DCC: variants seen among roughly 807,000 people sequenced by gnomAD.
DCC encodes netrin receptor DCC.
In DCC, 58 loss-of-function variants were observed where a neutral mutation model predicts 172.5. The observed-to-expected ratio is 0.34, with a 90% CI of 0.27 to 0.42. DCC has a LOEUF of 0.42. Among genes scored for constraint, DCC ranks in the 10% least tolerant of loss-of-function variants. The probability of loss-of-function intolerance (pLI) is 1.00; values close to 1 mark genes in which losing one functional copy is unlikely to be tolerated. For synonymous variants in DCC, 709 were observed against 644.5 expected, an observed-to-expected ratio of 1.10 and a Z score of -1.52; for missense variants, 1,740 against 1,791.0, an observed-to-expected ratio of 0.97 and a Z score of 0.51.
chr18:53,069,445 T>C (rs975137854), intron 7 of DCC, among the ~76,000 whole-genome samples: 1 of 152,142 alleles, frequency 6.6e-6, no homozygotes, highest in African/African-American at 2.4e-5. Context: ...CAAGAGGTCC[T>C]GTCTGCTGAG....
intron 7 of DCC, among the ~76,000 whole-genome samples, chr18:53,135,301 AG>A (rs2043723459): frequency 6.6e-6 from 1 of 152,170 alleles, no homozygotes; most frequent in Admixed American, 6.6e-5. Flanking sequence ...CAAGAGATGG[AG>A]GTGGGATCAG....
At position 53,239,007 on chromosome 18, in the gene DCC, A is replaced by G. The variant is rs1041762958; in HGVS notation, c.1911+23410A>G. On this transcript the variant is annotated intron_variant, in intron 12 of 28. Coordinates refer to ENST00000442544, the MANE Select transcript of DCC (RefSeq NM_005215.4). ...GGAATTGAGCAATGAGAACACCTGG[A>G]CACAGGAAGGGGGACATCACACACC... Among the ~76,000 whole-genome samples the G allele has an allele frequency of 1.4e-4, 19 of 137,156 alleles. No homozygotes were observed. The Admixed American group carries it at 1.4e-3, about 10-fold the overall frequency. 90.0% of individuals were successfully genotyped at this position (137,156 alleles called of 152,430 possible). A position where few individuals can be genotyped will look rare whatever the true frequency, so the allele number is the denominator to read the frequency against.
chr18:53,465,191 T>C (rs2045606164), intron 24 of DCC, among the ~76,000 whole-genome samples: 1 of 152,032 alleles, frequency 6.6e-6, no homozygotes, highest in Admixed American at 6.6e-5. Context: ...TTTTTCCTGT[T>C]TGATTGTCTG....
At chr18:53,056,816 G>T (rs895889067) in intron 5 of DCC, among the ~76,000 whole-genome samples, 2 of 151,900 alleles carry the variant, frequency 1.3e-5, no homozygotes, top group African/African-American at 4.8e-5. Context: ...CATCAATCTG[G>T]TTTTTTACTC....
chr18:53,500,248 G>A (rs1342128547), intron 27 of DCC, among the ~76,000 whole-genome samples: 1 of 152,024 alleles, frequency 6.6e-6, no homozygotes, highest in Non-Finnish European at 1.5e-5. Flanking sequence ...AGAAGGAGGA[G>A]AGGAGGAAAA....
At chr18:53,524,204 T>C (rs1301432376) in intron 27 of DCC, among the ~76,000 whole-genome samples, 1 of 152,020 alleles carries the variant, frequency 6.6e-6, no homozygotes, top group Non-Finnish European at 1.5e-5. Flanking sequence ...AGCCATTCTA[T>C]AATGTATATA....
intron 24 of DCC, among the ~76,000 whole-genome samples, chr18:53,462,402 A>G (rs893909428): frequency 4.6e-5 from 7 of 151,932 alleles, no homozygotes; most frequent in African/African-American, 1.7e-4. Flanking sequence ...TGAAGTGCAC[A>G]TGTGAGGGAT....
chr18:53,026,437 A>T (rs1284106005), intron 5 of DCC, among the ~76,000 whole-genome samples: 1 of 152,146 alleles, frequency 6.6e-6, no homozygotes, highest in Non-Finnish European at 1.5e-5. Context: ...TTGATTCAAC[A>T]TTCTAATGGC....
intron 7 of DCC, among the ~76,000 whole-genome samples, chr18:53,117,109 C>A (rs1162564983): frequency 6.6e-6 from 1 of 151,654 alleles, no homozygotes; most frequent in African/African-American, 2.4e-5. Context: ...CTTTGGAATA[C>A]TAAGCATTTA....
chr18:53,005,918 G>A (rs751854667), intron 5 of DCC, among the ~76,000 whole-genome samples: 6 of 152,108 alleles, frequency 3.9e-5, no homozygotes, highest in Non-Finnish European at 8.8e-5. Flanking sequence ...TACAATGTTG[G>A]AACATGGGTT....
intron 1 of DCC, among the ~76,000 whole-genome samples, chr18:52,379,884 G>T (rs1356413435): frequency 6.6e-6 from 1 of 152,140 alleles, no homozygotes; most frequent in African/African-American, 2.4e-5. Flanking sequence ...TAATCTGTTT[G>T]TGCTGCTATA....
chr18:52,457,516 T>C (rs765318315), intron 1 of DCC, among the ~76,000 whole-genome samples: 8 of 152,186 alleles, frequency 5.3e-5, no homozygotes, highest in Non-Finnish European at 7.4e-5. Flanking sequence ...AATTATATTT[T>C]ATTTTGTTGT....
At chr18:52,541,873 G>GTATATATATATATATA in intron 1 of DCC, among the ~76,000 whole-genome samples, 1 of 30,058 alleles carries the variant, frequency 3.3e-5, no homozygotes, top group East Asian at 4.8e-4. Flanking sequence ...ATGTGTGTGT[G>GTATATATATATATATA]TGTATATATA....
chr18:52,959,521 G>A (rs558928755), intron 5 of DCC, among the ~76,000 whole-genome samples: 31 of 148,762 alleles, frequency 2.1e-4, no homozygotes, highest in East Asian at 7.8e-4. Context: ...GATGGAACCC[G>A]TCACCCAGAT....
chr18:52,935,622 T>C (rs542767895), intron 5 of DCC, among the ~76,000 whole-genome samples: 1 of 152,232 alleles, frequency 6.6e-6, no homozygotes, highest in East Asian at 1.9e-4. Flanking sequence ...TGCTATTTTT[T>C]GAGCATGTAT....
chr18:52,473,325 T>A (rs918751153), intron 1 of DCC, among the ~76,000 whole-genome samples: 7 of 152,218 alleles, frequency 4.6e-5, no homozygotes, highest in African/African-American at 1.7e-4. Context: ...AATGCTAGGA[T>A]TCTAAACAAT....
chr18:53,341,414 T>A (rs2057658091), intron 15 of DCC, among the ~76,000 whole-genome samples: 1 of 152,126 alleles, frequency 6.6e-6, no homozygotes, highest in Non-Finnish European at 1.5e-5. Context: ...CGTTGGCAAA[T>A]CTCCCCAAAT....
intron 1 of DCC, among the ~76,000 whole-genome samples, chr18:52,493,644 A>T (rs1026005978): frequency 4.0e-5 from 6 of 151,878 alleles, no homozygotes; most frequent in African/African-American, 1.4e-4. Context: ...ATTTCATTTC[A>T]TACCTTTTTA....
chr18:53,079,805 AAG>A (rs2042772687), intron 7 of DCC, among the ~76,000 whole-genome samples: 1 of 152,162 alleles, frequency 6.6e-6, no homozygotes, highest in Non-Finnish European at 1.5e-5. Context: ...TTGCTGGTAG[AAG>A]AAACATTACA....
Sources: gnomAD v4.1 joint callset for allele counts (sites outside exome capture counted in the v4.1 genomes callset) on GRCh38, gnomAD v4.1.1 for gene constraint, MANE v1.5 for transcripts, NCBI Gene and HGNC (gene_info 2026-07-23, HGNC 2026-07-21) for gene names.